PSD3: variants seen among roughly 807,000 people sequenced by gnomAD.
The protein encoded by PSD3 is PH and SEC7 domain-containing protein 3.
Under a neutral mutation model 105.5 loss-of-function variants are expected in PSD3, and 49 were observed. The ratio of observed to expected loss-of-function variants is 0.46; its 90% CI spans 0.37 to 0.59. The LOEUF (loss-of-function observed/expected upper bound fraction) is 0.59, where lower values mean the gene tolerates loss of function less well. PSD3 is among the 20% of genes least tolerant of loss of function. The pLI is 0.00. For synonymous variants in PSD3, 557 were observed against 457.8 expected, an observed-to-expected ratio of 1.22 and a Z score of -2.77; for missense variants, 1,561 against 1,263.8, an observed-to-expected ratio of 1.24 and a Z score of -3.57.
intron 10 of PSD3, among the ~76,000 whole-genome samples, chr8:18,652,322 GGA>G (rs1446261978): frequency 6.6e-6 from 1 of 152,026 alleles, no homozygotes; most frequent in Non-Finnish European, 1.5e-5. Flanking sequence ...TTGCTGAGGA[GGA>G]GACTACATTG....
intron 1 of PSD3, among the ~76,000 whole-genome samples, chr8:18,959,531 G>A (rs988484944): frequency 2.4e-4 from 37 of 152,116 alleles, no homozygotes; most frequent in Middle Eastern, 3.4e-3. Context: ...CATTGCTCAC[G>A]ACACTAAGCA....
At chr8:18,563,281 C>G (rs1282066778) in intron 14 of PSD3, among the ~76,000 whole-genome samples, 1 of 152,082 alleles carries the variant, frequency 6.6e-6, no homozygotes, top group Non-Finnish European at 1.5e-5. Context: ...TTATAATGCC[C>G]ACAAAACCTA....
chr8:18,659,117 G>A (rs1332628189), intron 9 of PSD3, among the ~76,000 whole-genome samples: 1 of 152,164 alleles, frequency 6.6e-6, no homozygotes, highest in Non-Finnish European at 1.5e-5. Context: ...GGACTAGGGG[G>A]TTGTGGGGAG....
At chr8:18,826,635 C>T (rs1328702725) in intron 4 of PSD3, among the ~76,000 whole-genome samples, 2 of 152,208 alleles carry the variant, frequency 1.3e-5, no homozygotes. Flanking sequence ...GGAACATCTA[C>T]TGTGTTATCT....
chr8:19,032,633 G>A, intron 1 of PSD3, among the ~76,000 whole-genome samples: 1 of 133,714 alleles, frequency 7.5e-6, no homozygotes, highest in Admixed American at 8.0e-5. Context: ...CTGAGTGACA[G>A]AGCAAGACTC....
chr8:18,778,688 G>C (rs1298518563), intron 8 of PSD3, among the ~76,000 whole-genome samples: 2 of 150,874 alleles, frequency 1.3e-5, no homozygotes, highest in East Asian at 3.9e-4. Context: ...CCCTTTTTTT[G>C]CATTTGAGAT....
chr8:18,759,257 G>A (rs1001821700), intron 9 of PSD3, among the ~76,000 whole-genome samples: 8 of 152,002 alleles, frequency 5.3e-5, no homozygotes, highest in African/African-American at 1.9e-4. Context: ...CTAATAGCAA[G>A]CAATAACCTA....
intron 6 of PSD3, chr8:18,803,311 G>T (rs533106580): frequency 9.1e-6 from 1 of 110,402 alleles, no homozygotes; most frequent in African/African-American, 3.4e-5. Flanking sequence ...AAAAAAAAAG[G>T]CTATTGGGCT....
intron 4 of PSD3, among the ~76,000 whole-genome samples, chr8:18,856,200 C>T (rs1330823341): frequency 2.6e-5 from 4 of 152,162 alleles, no homozygotes; most frequent in East Asian, 1.9e-4. Context: ...CAAGGACCTC[C>T]GTGACATCCC....
chr8:18,712,244 A>G (rs1395546504), intron 9 of PSD3, among the ~76,000 whole-genome samples: 1 of 152,106 alleles, frequency 6.6e-6, no homozygotes, highest in Non-Finnish European at 1.5e-5. Context: ...CAAACCTCAA[A>G]GCCCGCAGAA....
At chr8:18,673,496 T>C (rs137894998) in intron 9 of PSD3, among the ~76,000 whole-genome samples, 4 of 152,320 alleles carry the variant, frequency 2.6e-5, no homozygotes, top group Non-Finnish European at 5.9e-5. Flanking sequence ...TTCGGTGCCA[T>C]GGTTGGAAGC....
chr8:19,042,979 A>T (rs562911017), intron 1 of PSD3, among the ~76,000 whole-genome samples: 1 of 152,216 alleles, frequency 6.6e-6, no homozygotes, highest in Non-Finnish European at 1.5e-5. Flanking sequence ...AGGTACTGAC[A>T]AAAAGAAATG....
chr8:18,652,751 G>A (rs1808606587), intron 10 of PSD3, among the ~76,000 whole-genome samples: 1 of 152,088 alleles, frequency 6.6e-6, no homozygotes, highest in South Asian at 2.1e-4. Flanking sequence ...AGGCTCCTCA[G>A]CCTCCCAAAG....
chr8:18,750,327 G>A (rs1453002291), intron 9 of PSD3, among the ~76,000 whole-genome samples: 2 of 152,032 alleles, frequency 1.3e-5, no homozygotes, highest in East Asian at 3.9e-4. Flanking sequence ...CCTTCTGGTG[G>A]GTTCGTGGTC....
intron 2 of PSD3, among the ~76,000 whole-genome samples, chr8:18,925,346 G>A (rs1237443157): frequency 6.6e-6 from 1 of 151,912 alleles, no homozygotes; most frequent in Admixed American, 6.6e-5. Context: ...AGTGAGCTAT[G>A]CTATGATTGT....
intron 1 of PSD3, among the ~76,000 whole-genome samples, chr8:19,024,294 A>C (rs1424702503): frequency 6.6e-6 from 1 of 152,146 alleles, no homozygotes; most frequent in Non-Finnish European, 1.5e-5. Flanking sequence ...CTATGCTTGC[A>C]TGTTTTTAGA....
intron 1 of PSD3, among the ~76,000 whole-genome samples, chr8:18,991,355 C>T (rs1429484516): frequency 2.9e-5 from 2 of 68,230 alleles, no homozygotes; most frequent in African/African-American, 1.3e-4. Flanking sequence ...CACACACATA[C>T]ACACACACAC....
At chr8:18,563,161 C>T (rs1347554755) in intron 14 of PSD3, among the ~76,000 whole-genome samples, 11 of 152,024 alleles carry the variant, frequency 7.2e-5, no homozygotes, top group Admixed American at 6.6e-4. Flanking sequence ...AAGTGTTGAG[C>T]AGAGAGATAG....
intron 13 of PSD3, among the ~76,000 whole-genome samples, chr8:18,574,812 C>T (rs979036102): frequency 6.6e-6 from 1 of 152,124 alleles, no homozygotes; most frequent in Non-Finnish European, 1.5e-5. Flanking sequence ...TTATCTAGGT[C>T]TGTTTTACTC....
Sources: gnomAD v4.1 joint callset for allele counts (sites outside exome capture counted in the v4.1 genomes callset) on GRCh38, gnomAD v4.1.1 for gene constraint, MANE v1.5 for transcripts, NCBI Gene and HGNC (gene_info 2026-07-23, HGNC 2026-07-21) for gene names.